Variants in NOX4 observed in about 807,000 individuals in gnomAD.
NOX4 encodes NADPH oxidase 4.
NOX4 carries 69 observed loss-of-function variants against 87.6 expected under a neutral mutation model. The ratio of observed to expected loss-of-function variants is 0.79; its 90% CI spans 0.65 to 0.96. The LOEUF is 0.96. NOX4 is among the 40% of genes least tolerant of loss of function. NOX4 has a pLI of 0.00. For missense variants in NOX4, 680 were observed against 681.5 expected, an observed-to-expected ratio of 1.00 and a Z score of 0.02; for synonymous variants, 275 against 238.2, an observed-to-expected ratio of 1.15 and a Z score of -1.42.
the NOX4 span, among the ~76,000 whole-genome samples, chr11:89,503,517 C>A: frequency 6.6e-6 from 1 of 151,690 alleles, no homozygotes; most frequent in Non-Finnish European, 1.5e-5. Flanking sequence ...ACTGGACATG[C>A]TGTTGTTTTA....
intron 13 of NOX4, among the ~76,000 whole-genome samples, chr11:89,354,186 CCTTT>C (rs920240995): frequency 6.6e-6 from 1 of 152,090 alleles, no homozygotes; most frequent in African/African-American, 2.4e-5. Context: ...AAGTTGATGG[CCTTT>C]CTTTTCTATT....
At chr11:89,358,452 TA>T (rs1342869632) in intron 12 of NOX4, among the ~76,000 whole-genome samples, 45 of 145,664 alleles carry the variant, frequency 3.1e-4, no homozygotes, top group Non-Finnish European at 6.1e-4. Context: ...AAACAGAAAG[TA>T]AACACAGAAC....
chr11:89,373,312 AG>A, intron 12 of NOX4, 119 bp downstream of exon 12: 1 of 467,554 alleles, frequency 2.1e-6, no homozygotes, highest in Non-Finnish European at 3.9e-6. Flanking sequence ...AAAAAAACCC[AG>A]AACAGCTTGA....
At chr11:89,395,722 A>G (rs1211366077) in intron 11 of NOX4, among the ~76,000 whole-genome samples, 3 of 152,036 alleles carry the variant, frequency 2.0e-5, no homozygotes, top group South Asian at 2.1e-4. Flanking sequence ...TTCTACATAC[A>G]ACTAGCCAAT....
the NOX4 span, chr11:89,576,782 T>C: frequency 6.6e-6 from 1 of 152,164 alleles, no homozygotes; most frequent in African/African-American, 2.4e-5. Flanking sequence ...AAGAATTTTT[T>C]TTTAGTTTTA....
At chr11:89,469,272 A>G (rs929626803) in intron 2 of NOX4, among the ~76,000 whole-genome samples, 6 of 152,186 alleles carry the variant, frequency 3.9e-5, no homozygotes, top group African/African-American at 1.4e-4. Context: ...AGGGAGTTGA[A>G]AAAGCCAGAG....
At chr11:89,546,606 G>A in the NOX4 span, 1 of 152,104 alleles carries the variant, frequency 6.6e-6, no homozygotes. Context: ...CACGCACTGG[G>A]TAGTTTATAA....
At chr11:89,382,948 T>C (rs2135101860) in intron 11 of NOX4, among the ~76,000 whole-genome samples, 1 of 152,168 alleles carries the variant, frequency 6.6e-6, no homozygotes, top group Non-Finnish European at 1.5e-5. Context: ...TTGGCCACAA[T>C]TCTTAGACCC....
At chr11:89,487,275 C>A (rs555195878) in intron 2 of NOX4, among the ~76,000 whole-genome samples, 6 of 152,206 alleles carry the variant, frequency 3.9e-5, no homozygotes, top group African/African-American at 1.2e-4. Context: ...CCAGCTTAAA[C>A]AAAACATTTG....
intron 1 of NOX4, chr11:89,490,835 T>G: frequency 1.4e-6 from 1 of 699,146 alleles, no homozygotes; most frequent in Non-Finnish European, 2.6e-6. Context: ...GATTAAGAAA[T>G]TAATGACATC....
At chr11:89,440,271 A>G (rs1378553818) in intron 6 of NOX4, among the ~76,000 whole-genome samples, 1 of 152,140 alleles carries the variant, frequency 6.6e-6, no homozygotes, top group Non-Finnish European at 1.5e-5. Context: ...TTTGTAACAT[A>G]TATCTAATTG....
chr11:89,463,100 G>A (rs1389950554), intron 2 of NOX4, among the ~76,000 whole-genome samples: 1 of 151,686 alleles, frequency 6.6e-6, no homozygotes, highest in African/African-American at 2.4e-5. Flanking sequence ...AGGAACTGAG[G>A]AATATTAGTA....
chr11:89,571,530 C>T, the NOX4 span, among the ~76,000 whole-genome samples: 45 of 152,160 alleles, frequency 3.0e-4, no homozygotes, highest in Middle Eastern at 0.01. Context: ...CTCCTGACCT[C>T]GTGATCTGCC....
intron 9 of NOX4, 46 bp downstream of exon 9, chr11:89,402,280 A>G (rs1344248582): frequency 1.4e-6 from 2 of 1,406,654 alleles, no homozygotes; most frequent in African/African-American, 1.4e-5. Flanking sequence ...TTGATCAGTC[A>G]AATGGAAACA....
At chr11:89,348,571 G>A (rs1473610646) in intron 13 of NOX4, among the ~76,000 whole-genome samples, 1 of 152,090 alleles carries the variant, frequency 6.6e-6, no homozygotes, top group East Asian at 1.9e-4. Context: ...GGGCTGTGCT[G>A]GCACCACTGC....
At position 89,325,909 on chromosome 11, in the gene NOX4, A is replaced by ATATATG. The variant is rs1168382024; in HGVS notation, c.*846_*847insCATATA. The stretch of plus-strand genomic sequence containing the variant: ...TGTATATATATATATATATATATAT[A>ATATATG]TGTGTGTGTGTGTGTATATATATAT... On this transcript the variant is annotated 3_prime_UTR_variant, in exon 18 of 18. Coordinates refer to ENST00000263317, the MANE Select transcript of NOX4 (RefSeq NM_016931.5). The ATATATG allele has an allele frequency of 2.9e-4, 36 of 122,266 alleles. No individual in the cohort carries two copies. Among genetic ancestry groups the ATATATG allele is most frequent in the African/African-American group, 1.2e-3 (36 of 30,230 alleles). 7.6% of individuals were successfully genotyped at this position (122,266 alleles called of 1,614,324 possible). A position where few individuals can be genotyped will look rare whatever the true frequency, so the allele number is the denominator to read the frequency against.
chr11:89,524,417 A>C, the NOX4 span, among the ~76,000 whole-genome samples: 1 of 152,152 alleles, frequency 6.6e-6, no homozygotes, highest in East Asian at 1.9e-4. Flanking sequence ...TTATATCATT[A>C]ATTTCAATAT....
chr11:89,450,501 C>G (rs1187807555), intron 3 of NOX4, among the ~76,000 whole-genome samples: 3 of 152,092 alleles, frequency 2.0e-5, no homozygotes, highest in Non-Finnish European at 4.4e-5. Flanking sequence ...TGTTGATTAG[C>G]AGAATGACTG....
intron 7 of NOX4, among the ~76,000 whole-genome samples, chr11:89,428,014 T>G (rs1296937665): frequency 2.0e-5 from 3 of 152,186 alleles, no homozygotes; most frequent in African/African-American, 4.8e-5. Context: ...GACTAACAGC[T>G]GATCTCTCAG....
Sources: gnomAD v4.1 joint callset for allele counts (sites outside exome capture counted in the v4.1 genomes callset) on GRCh38, gnomAD v4.1.1 for gene constraint, MANE v1.5 for transcripts, NCBI Gene and HGNC (gene_info 2026-07-23, HGNC 2026-07-21) for gene names.